RSRP1: variants seen among roughly 807,000 people sequenced by gnomAD.
RSRP1 encodes arginine/serine-rich protein 1.
A neutral mutation model predicts 33.0 loss-of-function variants in RSRP1; 37 were observed. That is an observed-to-expected ratio of 1.12 (90% CI 0.86 to 1.48). RSRP1 has a LOEUF of 1.48. RSRP1 is among the 40% of genes most tolerant of loss of function. The pLI, the probability that RSRP1 is intolerant of heterozygous loss-of-function variation, is 0.00. For missense variants in RSRP1, 402 were observed against 385.3 expected, an observed-to-expected ratio of 1.04 and a Z score of -0.36; for synonymous variants, 167 against 158.7, an observed-to-expected ratio of 1.05 and a Z score of -0.40.
chr1:25,306,454 C>G (rs1349418616), intron 1 of RSRP1: 2 of 826,794 alleles, frequency 2.4e-6, no homozygotes, highest in East Asian at 4.8e-5. Flanking sequence ...AGTGCACATT[C>G]AAGTCTGAGA....
intron 1 of RSRP1, among the ~76,000 whole-genome samples, chr1:25,258,556 C>A (rs1239304522): frequency 6.6e-6 from 1 of 152,136 alleles, no homozygotes; most frequent in Non-Finnish European, 1.5e-5. Flanking sequence ...CTCCTGCTGT[C>A]CTCCTCTCAA....
intron 1 of RSRP1, among the ~76,000 whole-genome samples, chr1:25,336,889 C>T (rs577364190): frequency 2.6e-5 from 4 of 151,872 alleles, no homozygotes; most frequent in African/African-American, 9.7e-5. Context: ...GCTAATGCAC[C>T]GCCAAAAACA....
chr1:25,296,938 A>G lies in RSRP1; in HGVS notation c.-67+41040T>C, dbSNP rs1483111204. 1.5e-5 allele frequency among the ~76,000 whole-genome samples: 2 copies of G among 131,168 alleles called. 1 individual carries two copies. Among genetic ancestry groups the G allele is most frequent in the Non-Finnish European group, 3.6e-5 (2 of 55,780 alleles). 86.1% of individuals were successfully genotyped at this position (131,168 alleles called of 152,430 possible). On this transcript the variant is annotated intron_variant, in intron 1 of 1. Coordinates refer to the RSRP1 transcript ENST00000561867. ...TGAAAACAGACTAACACAATTTCCT[A>G]AAACAAGGGGACATTCTCTTACATA...
rs1226337422 is a variant in RSRP1, at chr1:25,263,549, CG to C, written c.-66-16521del. Among the ~76,000 whole-genome samples the C allele has an allele frequency of 3.9e-5, 6 of 151,910 alleles. No homozygotes were observed. The East Asian group carries it at 1.2e-3, about 29-fold the overall frequency. Reference sequence around the variant, plus strand: ...CTTATTCACTATCACAAGAACAGCACGGGTAAGACCTGTCCCCATGATTCAG... The same window carrying C: ...CTTATTCACTATCACAAGAACAGCACGGTAAGACCTGTCCCCATGATTCAG... On this transcript the variant is annotated intron_variant, in intron 1 of 1. Transcript: ENST00000561867.
rs1641662525 is a variant in RSRP1 at position 25,283,308 on chromosome 1, A to G, written c.-66-36279T>C. Among the ~76,000 whole-genome samples the G allele has an allele frequency of 2.3e-5, 3 of 132,036 alleles. 1 individual carries two copies. Among genetic ancestry groups the G allele is most frequent in the Admixed American group, 2.2e-4 (3 of 13,524 alleles). The allele number at this position is 132,036 out of a possible 152,430, so 86.6% of individuals were successfully genotyped here. ...CACTTTGGGAAACCGAGGTGGGCAG[A>G]TCACTTGAGGTCAGGAGTTCGAGAC... On this transcript the variant is annotated intron_variant, in intron 1 of 1. Coordinates refer to the RSRP1 transcript ENST00000561867.
intron 1 of RSRP1, among the ~76,000 whole-genome samples, chr1:25,320,096 C>A (rs546557285): frequency 7.6e-6 from 1 of 131,262 alleles, no homozygotes; most frequent in South Asian, 2.3e-4. Context: ...CAGGGTTTCT[C>A]CATGTTGGTC....
Position 25,243,480 on chromosome 1 carries a change from T to A in RSRP1, c.756+70A>T, listed in dbSNP as rs1221100666. 9 of 1,572,502 alleles carry A rather than the reference T, an allele frequency of 5.7e-6. No homozygotes were observed. In the Admixed American group the frequency reaches 1.6e-4, roughly 28 times the overall value. ...AGGCCCCCAACTATCACCACAAAGA[T>A]AAAAACACAAAGATGCAAAAATACA... On this transcript the variant is annotated intron_variant, in intron 4 of 4. Coordinates refer to ENST00000243189, the MANE Select transcript of RSRP1 (RefSeq NM_020317.5).
In RSRP1 at chr1:25,290,756, G is replaced by C. The variant is rs1384532168; in HGVS notation, c.-66-43727C>G. ...GGTGCTGGTGGAGGTGACAGCTTTAGGCAACCTGAGGATGGTCATCAGTAA... is the reference window on the plus strand; with the variant it reads ...GGTGCTGGTGGAGGTGACAGCTTTACGCAACCTGAGGATGGTCATCAGTAA... On this transcript the variant is annotated intron_variant, in intron 1 of 1. Transcript: ENST00000561867. 6 of 1,377,420 alleles carry C rather than the reference G, an allele frequency of 4.4e-6. 1 individual carries two copies. The African/African-American group carries it at 7.1e-5, about 16-fold the overall frequency. 85.3% of individuals were successfully genotyped at this position (1,377,420 alleles called of 1,614,324 possible).
intron 1 of RSRP1, among the ~76,000 whole-genome samples, chr1:25,254,151 C>T (rs1639876693): frequency 6.6e-6 from 1 of 152,108 alleles, no homozygotes; most frequent in Admixed American, 6.6e-5. Flanking sequence ...GCTGGGTGAA[C>T]CATCACCCCA....
chr1:25,285,273 T>G (rs1212073157), intron 1 of RSRP1, among the ~76,000 whole-genome samples: 1 of 133,794 alleles, frequency 7.5e-6, no homozygotes, highest in Non-Finnish European at 1.8e-5. Context: ...TAGCTGGGAT[T>G]ACAGGCATGT....
At chr1:25,274,953 A>T (rs1640820738) in intron 1 of RSRP1, among the ~76,000 whole-genome samples, 1 of 132,080 alleles carries the variant, frequency 7.6e-6, no homozygotes, top group African/African-American at 2.6e-5. Context: ...ATCTCAAAAA[A>T]CCAAACAACA....
chr1:25,271,240 G>A lies in RSRP1; in HGVS notation c.-66-24211C>T, dbSNP rs1377826044. Among the ~76,000 whole-genome samples the A allele has an allele frequency of 1.5e-5, 2 of 131,084 alleles. 1 individual carries two copies. Among genetic ancestry groups the A allele is most frequent in the African/African-American group, 5.2e-5 (2 of 38,262 alleles). The allele number at this position is 131,084 out of a possible 152,430, so 86.0% of individuals were successfully genotyped here. ...GATGACCTTAGGTATGACCTCTCTGGGTCTTGGTTTCTTGGTCTAAAAACA... is the reference window on the plus strand; with the variant it reads ...GATGACCTTAGGTATGACCTCTCTGAGTCTTGGTTTCTTGGTCTAAAAACA... On this transcript the variant is annotated intron_variant, in intron 1 of 1. Transcript: ENST00000561867.
At chr1:25,329,474 C>T (rs1644945243) in intron 1 of RSRP1, 1 of 215,232 alleles carries the variant, frequency 4.6e-6, no homozygotes, top group African/African-American at 2.5e-5. Context: ...AACTCCTGAC[C>T]TCAAGTGATC....
intron 1 of RSRP1, chr1:25,266,718 A>C (rs1177919932): frequency 6.5e-6 from 1 of 154,890 alleles, no homozygotes; most frequent in Admixed American, 5.5e-5. Context: ...CACATTTTTG[A>C]CTGAAGTGAA....
rs1237867246 is a variant in RSRP1 at position 25,289,205 on chromosome 1, G to T, written c.-66-42176C>A. Among the ~76,000 whole-genome samples the T allele has an allele frequency of 7.3e-4, 96 of 131,618 alleles. 18 individuals are homozygous for T. The highest frequency in any genetic ancestry group is 1.5e-3 in the African/African-American group (58 of 38,764). The allele number at this position is 131,618 out of a possible 152,430, so 86.3% of individuals were successfully genotyped here. A position where few individuals can be genotyped will look rare whatever the true frequency, so the allele number is the denominator to read the frequency against. ...ATTTTACAGAGAGTGAATTTTTTTTGTGTGTGTGTGAGGCAGTCTTACTCT... is the reference window on the plus strand; with the variant it reads ...ATTTTACAGAGAGTGAATTTTTTTTTTGTGTGTGTGAGGCAGTCTTACTCT... On this transcript the variant is annotated intron_variant, in intron 1 of 1. Coordinates refer to the RSRP1 transcript ENST00000561867.
At chr1:25,324,889 C>CA (rs1333526234) in intron 1 of RSRP1, among the ~76,000 whole-genome samples, 31 of 114,088 alleles carry the variant, frequency 2.7e-4, no homozygotes, top group South Asian at 1.5e-3. Context: ...ACTAAAAATA[C>CA]AAAAAAAAAT....
intron 1 of RSRP1, among the ~76,000 whole-genome samples, chr1:25,276,104 T>C (rs1640933765): frequency 7.6e-6 from 1 of 131,882 alleles, no homozygotes; most frequent in African/African-American, 2.6e-5. Context: ...TTTGAGACAA[T>C]CAGGAAATCT....
chr1:25,309,172 A>G lies in RSRP1; in HGVS notation c.-67+28806T>C. 1.5e-5 allele frequency among the ~76,000 whole-genome samples: 2 copies of G among 132,162 alleles called. 1 individual carries two copies. Among genetic ancestry groups the G allele is most frequent in the South Asian group, 4.6e-4 (2 of 4,374 alleles). 86.7% of individuals were successfully genotyped at this position (132,162 alleles called of 152,430 possible). ...CCCAATTTCCTATTCAGATGAGCAT[A>G]TGTGATTGAGTCAGATGCTGTGATC... On this transcript the variant is annotated intron_variant, in intron 1 of 1. Coordinates refer to the RSRP1 transcript ENST00000561867.
At chr1:25,254,460 G>C (rs1639886903) in intron 1 of RSRP1, among the ~76,000 whole-genome samples, 1 of 59,564 alleles carries the variant, frequency 1.7e-5, no homozygotes, top group South Asian at 6.0e-4. Context: ...TTTTGAGACA[G>C]AGTCTCACTC....
Sources: allele counts gnomAD v4.1 joint callset (sites outside exome capture counted in the v4.1 genomes callset), GRCh38; gene constraint gnomAD v4.1.1; transcripts MANE v1.5; gene names NCBI Gene and HGNC (gene_info 2026-07-23, HGNC 2026-07-21).